STON1: variants seen among roughly 807,000 people sequenced by gnomAD.
The protein encoded by STON1 is stonin-1.
STON1 carries 79 observed loss-of-function variants against 60.9 expected under a neutral mutation model. The ratio of observed to expected loss-of-function variants is 1.30; its 90% CI spans 1.08 to 1.56. The LOEUF (loss-of-function observed/expected upper bound fraction) is 1.56, where lower values mean the gene tolerates loss of function less well. Ranked by LOEUF, STON1 falls within the 40% of genes most tolerant of loss-of-function variation. STON1 has a pLI of 0.00. For synonymous variants in STON1, 363 were observed against 306.9 expected (o/e 1.18, Z -1.91); for missense variants, 1,166 against 858.9 (o/e 1.36, Z -4.47).
rs2103802539 is a variant in STON1, at chr2:48,555,011, C to T, written c.-48+24795C>T. On this transcript the variant is annotated intron_variant, in intron 1 of 3. Transcript: ENST00000404752. ...TAATCCATTTAACCCTGAGTGGACA[C>T]AGCACATGTTTCAGAGAGCACAGGG... 3.5e-5 allele frequency among the ~76,000 whole-genome samples: 2 copies of T among 56,968 alleles called. 1 individual carries two copies. The highest frequency in any genetic ancestry group is 1.4e-3 in the South Asian group (2 of 1,444). 37.4% of individuals were successfully genotyped at this position (56,968 alleles called of 152,430 possible). A position where few individuals can be genotyped will look rare whatever the true frequency, so the allele number is the denominator to read the frequency against.
At chr2:48,548,592 G>A (rs189552054) in intron 1 of STON1, among the ~76,000 whole-genome samples, 8 of 150,830 alleles carry the variant, frequency 5.3e-5, no homozygotes, top group South Asian at 2.1e-4. Flanking sequence ...TCCACCTCCC[G>A]AGTTCAAGTG....
At chr2:48,538,040 G>C (rs1163255473) in intron 1 of STON1, among the ~76,000 whole-genome samples, 2 of 150,774 alleles carry the variant, frequency 1.3e-5, no homozygotes, top group African/African-American at 4.9e-5. Flanking sequence ...TGCAACCTCC[G>C]ACTCCCGGGT....
chr2:48,541,682 A>G (rs1485394027), intron 1 of STON1, among the ~76,000 whole-genome samples: 1 of 145,064 alleles, frequency 6.9e-6, no homozygotes, highest in Non-Finnish European at 1.5e-5. Context: ...CTGGGTGACA[A>G]GAGTGAAACT....
At chr2:48,575,176 G>C (rs1443103066) in intron 1 of STON1, among the ~76,000 whole-genome samples, 1 of 152,194 alleles carries the variant, frequency 6.6e-6, no homozygotes, top group East Asian at 1.9e-4. Flanking sequence ...AATCTATGTT[G>C]CAACTTGCGT....
intron 1 of STON1, among the ~76,000 whole-genome samples, chr2:48,579,890 C>T (rs576826442): frequency 2.0e-5 from 3 of 152,122 alleles, no homozygotes; most frequent in South Asian, 4.1e-4. Flanking sequence ...TATTTGGGTG[C>T]TCTGATGTTG....
At chr2:48,556,253 G>T (rs1349984250) in intron 1 of STON1, among the ~76,000 whole-genome samples, 25 of 26,930 alleles carry the variant, frequency 9.3e-4, no homozygotes, top group East Asian at 2.5e-3. Context: ...CGGGGCGGCT[G>T]GCCGGGCAGA....
intron 1 of STON1, among the ~76,000 whole-genome samples, chr2:48,557,077 C>T (rs1316911472): frequency 1.9e-5 from 2 of 106,856 alleles, no homozygotes; most frequent in African/African-American, 6.8e-5. Flanking sequence ...GGGGCTGACC[C>T]CCCCCCACCT....
rs1040179382 is a variant in STON1 at position 48,595,466 on chromosome 2, G to A, written c.*164G>A. The A allele has an allele frequency of 1.2e-5, 7 of 589,674 alleles. No homozygotes were observed. The highest frequency in any genetic ancestry group is 1.9e-5 in the African/African-American group (1 of 52,372). The allele number at this position is 589,674 out of a possible 1,614,324, so 36.5% of individuals were successfully genotyped here. The stretch of plus-strand genomic sequence containing the variant: ...GTTTAGACCTAAAACCGAACAATCT[G>A]TATTTTTTGCTTTTCATGTGTTTTT... On this transcript the variant is annotated 3_prime_UTR_variant, in exon 4 of 4. Coordinates refer to ENST00000404752, the MANE Select transcript of STON1 (RefSeq NM_006873.4).
chr2:48,539,911 A>G (rs981449518), intron 1 of STON1, among the ~76,000 whole-genome samples: 3 of 152,148 alleles, frequency 2.0e-5, no homozygotes, highest in Non-Finnish European at 4.4e-5. Context: ...GACCTATTTC[A>G]CATATGGAGC....
At chr2:48,535,466 C>T (rs1055323720) in intron 1 of STON1, among the ~76,000 whole-genome samples, 1 of 152,144 alleles carries the variant, frequency 6.6e-6, no homozygotes, top group African/African-American at 2.4e-5. Context: ...CTCATCCATT[C>T]TCTTTGTGGA....
chr2:48,573,395 C>G (rs1365623475), intron 1 of STON1, among the ~76,000 whole-genome samples: 1 of 152,200 alleles, frequency 6.6e-6, no homozygotes, highest in Admixed American at 6.5e-5. Context: ...ACAATTTCTG[C>G]TTTTGACAGC....
intron 1 of STON1, among the ~76,000 whole-genome samples, chr2:48,556,737 G>A (rs1572943453): frequency 8.2e-5 from 2 of 24,436 alleles, no homozygotes; most frequent in Admixed American, 2.5e-4. Flanking sequence ...GCGGCTGGCC[G>A]GGCGGGGGGC....
chr2:48,560,701 C>T (rs990561581), intron 1 of STON1, among the ~76,000 whole-genome samples: 1 of 152,200 alleles, frequency 6.6e-6, no homozygotes, highest in Non-Finnish European at 1.5e-5. Flanking sequence ...GGAAACAACA[C>T]AGCTCCACAG....
intron 1 of STON1, among the ~76,000 whole-genome samples, chr2:48,546,406 T>C (rs2103772874): frequency 6.6e-6 from 1 of 152,346 alleles, no homozygotes; most frequent in African/African-American, 2.4e-5. Flanking sequence ...CTGTTCTGCC[T>C]GAGCATATCA....
intron 2 of STON1, among the ~76,000 whole-genome samples, chr2:48,586,263 G>C (rs1276813373): frequency 6.6e-6 from 1 of 152,146 alleles, no homozygotes; most frequent in African/African-American, 2.4e-5. Context: ...TATTGAGAAG[G>C]AGTCTCACTC....
At chr2:48,537,931 A>G (rs17037360) in intron 1 of STON1, among the ~76,000 whole-genome samples, 5,083 of 151,464 alleles carry the variant, frequency 0.034, 164 homozygotes, top group African/African-American at 0.084. Context: ...TTGGCCCTAT[A>G]AAGTAATCAT....
At chr2:48,594,517 C>G (rs528023867) in intron 3 of STON1, among the ~76,000 whole-genome samples, 1 of 152,244 alleles carries the variant, frequency 6.6e-6, no homozygotes, top group South Asian at 2.1e-4. Context: ...TCCCTGTCCT[C>G]ATGGAGCATA....
chr2:48,567,415 A>G (rs769912180), intron 1 of STON1, among the ~76,000 whole-genome samples: 8 of 151,852 alleles, frequency 5.3e-5, no homozygotes, highest in Non-Finnish European at 7.4e-5. Flanking sequence ...TTATTTTTAT[A>G]TATTTATTTT....
intron 2 of STON1, among the ~76,000 whole-genome samples, chr2:48,586,183 G>T (rs1039279341): frequency 2.0e-5 from 3 of 152,236 alleles, no homozygotes; most frequent in African/African-American, 7.2e-5. Context: ...TTGTGAAAAT[G>T]ATCCTGTTTA....
Sources: gnomAD v4.1 joint callset for allele counts (sites outside exome capture counted in the v4.1 genomes callset) on GRCh38, gnomAD v4.1.1 for gene constraint, MANE v1.5 for transcripts, NCBI Gene and HGNC (gene_info 2026-07-23, HGNC 2026-07-21) for gene names.